The following CDH11 variants were observed in gnomAD, a reference collection of about 807,000 sequenced individuals.
CDH11 encodes cadherin 11.
CDH11 carries 11 observed loss-of-function variants against 67.8 expected under a neutral mutation model. The ratio of observed to expected loss-of-function variants is 0.16; its 90% CI spans 0.10 to 0.27. The LOEUF is 0.27. CDH11 is among the 10% of genes least tolerant of loss of function. The pLI, the probability that CDH11 is intolerant of heterozygous loss-of-function variation, is 1.00. For synonymous variants in CDH11, 419 were observed against 400.0 expected (o/e 1.05, Z -0.57); for missense variants, 847 against 1,031.2 (o/e 0.82, Z 2.45).
In CDH11 at chr16:65,096,533, A is replaced by G. The variant is rs541438453; in HGVS notation, c.-298+25347T>C. Among the ~76,000 whole-genome samples the G allele has an allele frequency of 1.1e-4, 16 of 151,182 alleles. No homozygotes were observed. The Admixed American group carries it at 1.1e-3, about 10-fold the overall frequency. ...TATATGCATATTTGTACATATATGT[A>G]TATATACACAAACACATGCCAAATA... On this transcript the variant is annotated intron_variant, in intron 1 of 12. Coordinates refer to ENST00000268603, the MANE Select transcript of CDH11 (RefSeq NM_001797.4).
intron 3 of CDH11, among the ~76,000 whole-genome samples, chr16:65,001,482 G>C (rs2072918335): frequency 6.6e-6 from 1 of 152,024 alleles, no homozygotes; most frequent in South Asian, 2.1e-4. Flanking sequence ...AGAAGTTAAG[G>C]GCAAGGACAT....
At chr16:65,122,288 G>A (rs2075348976), upstream of CDH11, 9 of 364,274 alleles carry the variant, frequency 2.5e-5, no homozygotes, top group South Asian at 2.1e-4. Context: ...GCCCAGAGAT[G>A]CTAACCCCTG....
intron 4 of CDH11, among the ~76,000 whole-genome samples, chr16:64,994,138 T>C (rs552555721): frequency 1.3e-5 from 2 of 152,306 alleles, no homozygotes; most frequent in East Asian, 3.9e-4. Flanking sequence ...TATAGGATTG[T>C]CAGTGATTTT....
intron 1 of CDH11, among the ~76,000 whole-genome samples, chr16:65,102,830 G>T (rs752540466): frequency 2.6e-5 from 4 of 152,282 alleles, no homozygotes; most frequent in Non-Finnish European, 5.9e-5. Flanking sequence ...CAACTTTGGG[G>T]TGGAGACTCA....
rs1159840663 is a variant in CDH11, at chr16:65,121,967, C to G, written c.-385G>C. ...GCGGTGTCAGTCCCGGCCCCAGTCC[C>G]GGTCCCATTCACAAGTCAGCGGCGG... is the stretch of plus-strand genomic sequence containing the variant. On this transcript the variant is annotated 5_prime_UTR_variant, in exon 1 of 13. Coordinates refer to ENST00000268603, the MANE Select transcript of CDH11 (RefSeq NM_001797.4). This position sits in a 1 kb window ranked among gnomAD's most constrained non-coding sequence, Gnocchi z 4.1. The G allele has an allele frequency of 2.9e-6, 2 of 701,578 alleles. No homozygotes were observed. Among genetic ancestry groups the G allele is most frequent in the South Asian group, 1.5e-5 (1 of 67,554 alleles). The allele number at this position is 701,578 out of a possible 1,614,324, so 43.5% of individuals were successfully genotyped here.
At chr16:65,056,782 A>G (rs1447716625) in intron 1 of CDH11, among the ~76,000 whole-genome samples, 1 of 152,170 alleles carries the variant, frequency 6.6e-6, no homozygotes, top group Admixed American at 6.5e-5. Context: ...GACTGGGGCC[A>G]GCGTGTTTAA....
chr16:65,108,720 G>A (rs1257526107), intron 1 of CDH11, among the ~76,000 whole-genome samples: 1 of 152,058 alleles, frequency 6.6e-6, no homozygotes, highest in Non-Finnish European at 1.5e-5. Flanking sequence ...GCTTTAATGA[G>A]TAGACAATTG....
chr16:65,091,781 A>G (rs937723775), intron 1 of CDH11, among the ~76,000 whole-genome samples: 5 of 151,928 alleles, frequency 3.3e-5, no homozygotes, highest in African/African-American at 1.2e-4. Flanking sequence ...TCGATCTCCC[A>G]ACCTCGTGAT....
chr16:65,072,589 T>A (rs978713251), intron 1 of CDH11, among the ~76,000 whole-genome samples: 2 of 152,208 alleles, frequency 1.3e-5, no homozygotes, highest in African/African-American at 4.8e-5. Flanking sequence ...TTACTCTTAT[T>A]GTTTTAGGGA....
intron 1 of CDH11, among the ~76,000 whole-genome samples, chr16:65,087,379 T>C (rs2142820056): frequency 6.6e-6 from 1 of 152,254 alleles, no homozygotes; most frequent in Middle Eastern, 3.4e-3. Flanking sequence ...TTGAGTTAAC[T>C]TGTAGGAAAC....
chr16:65,076,212 C>A (rs1597163900), intron 1 of CDH11, among the ~76,000 whole-genome samples: 1 of 152,216 alleles, frequency 6.6e-6, no homozygotes, highest in East Asian at 1.9e-4. Flanking sequence ...TCATTTGTAT[C>A]TATTCTAGTC....
chr16:64,952,136 A>T (rs576695450), intron 11 of CDH11, among the ~76,000 whole-genome samples: 1 of 152,312 alleles, frequency 6.6e-6, no homozygotes, highest in East Asian at 1.9e-4. Context: ...CTTGCTCAAA[A>T]TAACTGTTCC....
intron 1 of CDH11, among the ~76,000 whole-genome samples, chr16:65,073,211 C>T (rs1012025168): frequency 1.3e-5 from 2 of 152,182 alleles, no homozygotes; most frequent in African/African-American, 4.8e-5. Flanking sequence ...ATAAGCTTCC[C>T]CTGCCCTCTC....
chr16:65,023,914 C>T (rs1459341942), intron 2 of CDH11, among the ~76,000 whole-genome samples: 2 of 152,058 alleles, frequency 1.3e-5, no homozygotes, highest in African/African-American at 4.8e-5. Flanking sequence ...TCTTGTGAAA[C>T]GAGTCCTACC....
At chr16:65,000,939 A>AT (rs34730391) in intron 3 of CDH11, among the ~76,000 whole-genome samples, 64,299 of 151,602 alleles carry the variant, frequency 0.42, 14,644 homozygotes, top group East Asian at 0.63. Context: ...TAAAATTGGT[A>AT]TTTATTATTT....
At chr16:65,050,278 A>C (rs1326035514) in intron 2 of CDH11, among the ~76,000 whole-genome samples, 1 of 152,192 alleles carries the variant, frequency 6.6e-6, no homozygotes, top group Non-Finnish European at 1.5e-5. Context: ...CTCAAGCTCC[A>C]GTGGATTTCA....
rs140548754 is a variant in CDH11, at chr16:65,109,546, C to T, written c.-298+12334G>A. The stretch of plus-strand genomic sequence containing the variant: ...GTTAAGAAGGTGTGCAGACTGTCCC[C>T]TCCAGAAGCTAAGATGCGACTTGAG... On this transcript the variant is annotated intron_variant, in intron 1 of 12. Coordinates refer to ENST00000268603, the MANE Select transcript of CDH11 (RefSeq NM_001797.4). Among the ~76,000 whole-genome samples the T allele has an allele frequency of 2.7e-3, 404 of 152,276 alleles. 5 individuals carry two copies. Among genetic ancestry groups the T allele is most frequent in the African/African-American group, 9.2e-3 (382 of 41,540 alleles).
chr16:64,967,003 T>C (rs2071851110), intron 11 of CDH11, among the ~76,000 whole-genome samples: 1 of 152,176 alleles, frequency 6.6e-6, no homozygotes, highest in Non-Finnish European at 1.5e-5. Flanking sequence ...ACACCTGGCT[T>C]TAAATGATGA....
chr16:65,098,323 G>GT (rs1431531335), intron 1 of CDH11, among the ~76,000 whole-genome samples: 1 of 151,964 alleles, frequency 6.6e-6, no homozygotes, highest in Non-Finnish European at 1.5e-5. Context: ...AGATACTACT[G>GT]TAAGATAAAC....
Sources: gnomAD v4.1 joint callset for allele counts (sites outside exome capture counted in the v4.1 genomes callset) on GRCh38, gnomAD v4.1.1 for gene constraint, Gnocchi (gnomAD v3.1) non-coding constraint, MANE v1.5 for transcripts, NCBI Gene and HGNC (gene_info 2026-07-23, HGNC 2026-07-21) for gene names.